Variants in SLC7A9 observed in about 807,000 individuals in gnomAD.
SLC7A9 encodes the protein B(0,+)-type amino acid transporter 1.
A neutral mutation model predicts 54.1 loss-of-function variants in SLC7A9; 38 were observed. That is an observed-to-expected ratio of 0.70 (90% CI 0.54 to 0.92). The LOEUF (loss-of-function observed/expected upper bound fraction) is 0.92. SLC7A9 is among the 40% of genes least tolerant of loss of function. The pLI is 0.00. For missense variants in SLC7A9, 537 were observed against 636.1 expected (o/e 0.84, Z 1.68); for synonymous variants, 264 against 258.9 (o/e 1.02, Z -0.19).
At chr19:32,868,242 A>AAG (rs920737072) in intron 2 of SLC7A9, among the ~76,000 whole-genome samples, 1 of 151,724 alleles carries the variant, frequency 6.6e-6, no homozygotes, top group African/African-American at 2.4e-5. Context: ...AAAAAAAAAA[A>AAG]AAAAAAAAGA....
At chr19:32,853,031 A>T (rs1429583317) in intron 9 of SLC7A9, among the ~76,000 whole-genome samples, 1 of 149,472 alleles carries the variant, frequency 6.7e-6, no homozygotes, top group African/African-American at 2.5e-5. Flanking sequence ...CTCCTGCCTC[A>T]GCCTCCTGAG....
In SLC7A9 at chr19:32,862,504, G is replaced by A. The variant is rs147273892; in HGVS notation, c.561C>T (p.Ile187=). 1.9e-5 allele frequency: 31 copies of A among 1,613,442 alleles called. No homozygotes were observed. Among genetic ancestry groups the A allele is most frequent in the African/African-American group, 1.7e-4 (13 of 74,886 alleles). The part of the protein sequence containing the change: ...QNIFTAAKLV[I]VAIIIISGLV... ...GCCCGCTGATGATGATGATGGCCAC[G>A]ATCACCAGCTTGGCCGCGGTGAAGA... is the stretch of plus-strand genomic sequence containing the variant. The change falls in exon 5 of 13, where the codon ATC becomes ATT. Residue 187 remains isoleucine (I), a synonymous_variant. Transcript: ENST00000023064.
chr19:32,867,282 G>A (rs1341075300), intron 2 of SLC7A9, among the ~76,000 whole-genome samples: 1 of 151,878 alleles, frequency 6.6e-6, no homozygotes, highest in African/African-American at 2.4e-5. Context: ...TGGGAGGATC[G>A]CTTGAGCCCG....
intron 5 of SLC7A9, 32 bp from the exon 6 acceptor site, chr19:32,862,249 G>T: frequency 1.3e-6 from 2 of 1,559,404 alleles, no homozygotes; most frequent in Non-Finnish European, 1.8e-6. Flanking sequence ...AACGGCGGGT[G>T]TCAACCGGGC....
intron 11 of SLC7A9, among the ~76,000 whole-genome samples, chr19:32,835,897 GTGTGTGTGTGTGTA>G (rs966328227): frequency 1.6e-5 from 2 of 122,570 alleles, no homozygotes; most frequent in African/African-American, 3.3e-5. Flanking sequence ...TACTGTGTGT[GTGTGTGTGTGTGTA>G]TGTGTGTGTG....
At chr19:32,836,007 C>T (rs1452408456) in intron 11 of SLC7A9, among the ~76,000 whole-genome samples, 2 of 151,978 alleles carry the variant, frequency 1.3e-5, no homozygotes, top group Non-Finnish European at 2.9e-5. Flanking sequence ...CTCTGCCTCC[C>T]AGGTTCAAGT....
intron 9 of SLC7A9, among the ~76,000 whole-genome samples, chr19:32,850,192 C>T (rs2145823679): frequency 6.7e-6 from 1 of 149,876 alleles, no homozygotes; most frequent in South Asian, 2.2e-4. Flanking sequence ...GGCAATTAGG[C>T]AGGAGAAGGA....
At chr19:32,856,508 G>A (rs1359812932) in intron 9 of SLC7A9, among the ~76,000 whole-genome samples, 1 of 152,136 alleles carries the variant, frequency 6.6e-6, no homozygotes, top group Non-Finnish European at 1.5e-5. Flanking sequence ...AATTTTTAAT[G>A]TTCTCAGCAT....
rs1159806875 is a variant in SLC7A9 at position 32,843,850 on chromosome 19, C to T, written c.1074+5G>A. The T allele has an allele frequency of 6.2e-7, 1 of 1,609,038 alleles. No individual in the cohort carries two copies. The highest frequency in any genetic ancestry group is 1.7e-5 in the Admixed American group (1 of 60,016). On this transcript the variant is annotated splice_donor_5th_base_variant and intron_variant, in intron 10 of 12. Transcript: ENST00000023064. ...AGATAGGCTGGTAGCGGGATTTGTACTCACATAAAAGATGATGGCGGGGGC... is the reference window on the plus strand; with the variant it reads ...AGATAGGCTGGTAGCGGGATTTGTATTCACATAAAAGATGATGGCGGGGGC...
At chr19:32,832,570 AGAGT>A (rs1438271915) in intron 12 of SLC7A9, among the ~76,000 whole-genome samples, 3 of 145,758 alleles carry the variant, frequency 2.1e-5, no homozygotes, top group African/African-American at 7.5e-5. Flanking sequence ...CCTGGGCAAC[AGAGT>A]GAGACTGTGT....
At chr19:32,842,438 G>T (rs1037585709) in intron 10 of SLC7A9, 121 bp from the exon 11 acceptor site, 1 of 940,696 alleles carries the variant, frequency 1.1e-6, no homozygotes, top group Non-Finnish European at 1.7e-6. Flanking sequence ...GAACTTCTAG[G>T]CATTCCTTCA....
In SLC7A9 at chr19:32,862,570, C is replaced by T. The variant is rs1230645565; in HGVS notation, c.495G>A (p.Val165=). Residue 165 remains valine (V), a synonymous_variant, in exon 5 of 13, where the codon GTG becomes GTA. Coordinates refer to ENST00000023064, the MANE Select transcript of SLC7A9 (RefSeq NM_014270.5). ...TTCCCAGCCGCACGCTCAGTGAGTT[C>T]ACTGTCGAGATGAACACTGGAAGGG... ...AAAAILFIST[V]NSLSVRLGSY... 3 of 1,614,040 alleles carry T rather than the reference C, an allele frequency of 1.9e-6. No homozygotes were observed. The highest frequency in any genetic ancestry group is 2.2e-5 in the South Asian group (2 of 91,062).
At chr19:32,857,483 TA>T (rs71336968) in intron 9 of SLC7A9, among the ~76,000 whole-genome samples, 29,407 of 152,060 alleles carry the variant, frequency 0.19, 3,203 homozygotes, top group East Asian at 0.51. Context: ...TTAAAATTTA[TA>T]AAGAAATACA....
At chr19:32,855,229 G>A (rs8113166) in intron 9 of SLC7A9, among the ~76,000 whole-genome samples, 72,926 of 151,992 alleles carry the variant, frequency 0.48, 18,058 homozygotes, top group East Asian at 0.72. Context: ...TCTCCCTTAT[G>A]TATTATGGAG....
At chr19:32,848,520 C>T (rs1428338095) in intron 9 of SLC7A9, among the ~76,000 whole-genome samples, 2 of 152,090 alleles carry the variant, frequency 1.3e-5, no homozygotes, top group Non-Finnish European at 2.9e-5. Flanking sequence ...ACAGGAGCAC[C>T]CAGATTCATA....
rs747208557 is a variant in SLC7A9, at chr19:32,859,931, G to A, written c.783C>T (p.Pro261=). ...TGAGGATGTAGCACGCCGTCACCAGGGGGATCCCGATGATAATGGCCAAAG... is the reference window on the plus strand; with the variant it reads ...TGAGGATGTAGCACGCCGTCACCAGAGGGATCCCGATGATAATGGCCAAAG... ...NLPLAIIIGI[P]LVTACYILMN... Residue 261 remains proline (P), a synonymous_variant, in exon 8 of 13, where the codon CCC becomes CCT. Transcript: ENST00000023064. The A allele has an allele frequency of 1.9e-6, 3 of 1,614,044 alleles. No individual in the cohort carries two copies. The highest frequency in any genetic ancestry group is 2.5e-6 in the Non-Finnish European group (3 of 1,180,042).
At position 32,860,276 on chromosome 19, in the gene SLC7A9, G is replaced by T. The variant is rs1968759938; in HGVS notation, c.750-312C>A. ...TGAGCTCATAAGAAACCATTCGCTG[G>T]CCGGGTGCAGTGGCTCACACCTGTA... On this transcript the variant is annotated intron_variant, in intron 7 of 12. Transcript: ENST00000023064. 5 of 1,392,990 alleles carry T rather than the reference G, an allele frequency of 3.6e-6. No individual in the cohort carries two copies. The Admixed American group carries it at 8.8e-5, about 24-fold the overall frequency. 86.3% of individuals were successfully genotyped at this position (1,392,990 alleles called of 1,614,324 possible). A position where few individuals can be genotyped will look rare whatever the true frequency, so the allele number is the denominator to read the frequency against.
At chr19:32,846,816 C>G (rs1968311659) in intron 9 of SLC7A9, among the ~76,000 whole-genome samples, 1 of 152,170 alleles carries the variant, frequency 6.6e-6, no homozygotes, top group South Asian at 2.1e-4. Context: ...TCCTCTGAGA[C>G]AAAAATTCCA....
chr19:32,854,265 C>T (rs566241070), intron 9 of SLC7A9, among the ~76,000 whole-genome samples: 30 of 152,010 alleles, frequency 2.0e-4, no homozygotes, highest in Non-Finnish European at 3.5e-4. Context: ...TCCTCCCCCT[C>T]GGCCTCCCAA....
Sources: allele counts gnomAD v4.1 joint callset (sites outside exome capture counted in the v4.1 genomes callset), GRCh38; gene constraint gnomAD v4.1.1; transcripts MANE v1.5; gene names NCBI Gene and HGNC (gene_info 2026-07-23, HGNC 2026-07-21).